Variants in S100PBP observed in about 807,000 individuals in gnomAD.
S100PBP encodes S100P-binding protein.
Under a neutral mutation model 39.9 loss-of-function variants are expected in S100PBP, and 15 were observed. The observed-to-expected ratio is 0.38, with a 90% CI of 0.25 to 0.58. The LOEUF is 0.58. Ranked by LOEUF, S100PBP falls within the 20% of genes least tolerant of loss-of-function variation. The pLI is 0.70. For missense variants in S100PBP, 504 were observed against 487.3 expected (o/e 1.03, Z -0.32); for synonymous variants, 178 against 180.3 (o/e 0.99, Z 0.10).
intron 1 of S100PBP, among the ~76,000 whole-genome samples, chr1:32,822,740 T>C (rs1370807058): frequency 6.6e-6 from 1 of 152,152 alleles, no homozygotes; most frequent in African/African-American, 2.4e-5. Context: ...TTTTGTATAC[T>C]TTTGTTCCCA....
Position 32,826,618 on chromosome 1 carries a change from ACT to A in S100PBP, c.524_525del (p.Ser175PhefsTer12), listed in dbSNP as rs1477434041. ...ETDSSKDTEK[L>X]SSLGEEMRED... is the part of the protein sequence containing the mutation. ...CTGATTCGTCCAAAGATACTGAAAAACTCTCTTCCCTTGGAGAAGAGATGAGA... is the reference window on the plus strand; with the variant it reads ...CTGATTCGTCCAAAGATACTGAAAAACTCTTCCCTTGGAGAAGAGATGAGA... On this transcript the variant is annotated frameshift_variant, in exon 3 of 7. Transcript: ENST00000373475. LOFTEE classifies it high-confidence loss of function. 2 of 1,613,642 alleles carry A rather than the reference ACT, an allele frequency of 1.2e-6. No homozygotes were observed. The highest frequency in any genetic ancestry group is 2.2e-5 in the South Asian group (2 of 91,054).
chr1:32,827,982 C>T lies in S100PBP; in HGVS notation c.832-11C>T. On this transcript the variant is annotated splice_polypyrimidine_tract_variant and intron_variant, in intron 3 of 6. Transcript: ENST00000373475. ...TCACCTTTCCTTTTGCATTCCTTTT[C>T]CTCAAAAAAGCAGGATGTTCTTAAC... 1 of 1,585,278 alleles carries T rather than the reference C, an allele frequency of 6.3e-7. No homozygotes were observed. The highest frequency in any genetic ancestry group is 2.2e-5 in the East Asian group (1 of 44,644).
intron 5 of S100PBP, among the ~76,000 whole-genome samples, chr1:32,838,620 A>G (rs1462055588): frequency 6.6e-6 from 1 of 152,156 alleles, no homozygotes; most frequent in Non-Finnish European, 1.5e-5. Context: ...GGGTGGGCAG[A>G]TCACCTGAGG....
chr1:32,838,779 G>T (rs917517779), intron 5 of S100PBP, among the ~76,000 whole-genome samples: 1 of 151,810 alleles, frequency 6.6e-6, no homozygotes, highest in African/African-American at 2.4e-5. Flanking sequence ...GGAGGCAGAG[G>T]TTGCAGTGAG....
chr1:32,839,494 G>C (rs1639992090), intron 5 of S100PBP, among the ~76,000 whole-genome samples: 1 of 152,118 alleles, frequency 6.6e-6, no homozygotes, highest in African/African-American at 2.4e-5. Context: ...ATACCAAGAA[G>C]AGAAGAGGAA....
At chr1:32,844,744 G>T (rs1557507829) in intron 5 of S100PBP, among the ~76,000 whole-genome samples, 1 of 151,712 alleles carries the variant, frequency 6.6e-6, no homozygotes, top group African/African-American at 2.4e-5. Context: ...TCTATTCCGA[G>T]ATAGAGATAT....
At chr1:32,816,885 C>G (rs1638755608), upstream of S100PBP, 1 of 556,808 alleles carries the variant, frequency 1.8e-6, no homozygotes, top group Non-Finnish European at 3.2e-6. Context: ...TGACGTATCC[C>G]CAGCGACTAA....
chr1:32,832,937 T>G (rs781594312), intron 5 of S100PBP, among the ~76,000 whole-genome samples: 1 of 152,086 alleles, frequency 6.6e-6, no homozygotes, highest in African/African-American at 2.4e-5. Flanking sequence ...ATCCTTCAAC[T>G]CCATTATTCT....
chr1:32,849,151 CT>C (rs55906923), intron 5 of S100PBP, among the ~76,000 whole-genome samples: 12 of 146,128 alleles, frequency 8.2e-5, no homozygotes, highest in Admixed American at 2.0e-4. Flanking sequence ...CTTTTTTTTT[CT>C]TTTTTTTTTG....
chr1:32,850,779 A>G (rs1204955427), intron 5 of S100PBP, among the ~76,000 whole-genome samples: 1 of 152,226 alleles, frequency 6.6e-6, no homozygotes, highest in Non-Finnish European at 1.5e-5. Context: ...TTTTAATGAA[A>G]TCTATAAATT....
At chr1:32,830,795 C>G (rs954559894) in intron 5 of S100PBP, among the ~76,000 whole-genome samples, 1 of 152,182 alleles carries the variant, frequency 6.6e-6, no homozygotes, top group Non-Finnish European at 1.5e-5. Flanking sequence ...CCTGTAATCT[C>G]AGCACTTTTG....
intron 5 of S100PBP, among the ~76,000 whole-genome samples, chr1:32,839,594 C>T (rs1000572665): frequency 6.6e-6 from 1 of 152,124 alleles, no homozygotes. Context: ...GTGGCACAAC[C>T]GTAGTGCAGT....
At position 32,856,213 on chromosome 1, in the gene S100PBP, G is replaced by A. The variant is rs968021627; in HGVS notation, c.*175G>A. The A allele has an allele frequency of 4.5e-6, 2 of 448,484 alleles. No homozygotes were observed. The highest frequency in any genetic ancestry group is 2.0e-5 in the African/African-American group (1 of 49,768). The allele number at this position is 448,484 out of a possible 1,614,324, so 27.8% of individuals were successfully genotyped here. A position where few individuals can be genotyped will look rare whatever the true frequency, so the allele number is the denominator to read the frequency against. On this transcript the variant is annotated 3_prime_UTR_variant, in exon 7 of 7. Transcript: ENST00000373475. ...GCCCATTGCCGACTTGAATTTTTTT[G>A]TATGAAGTCCCTCCTGATTTTGTGT...
chr1:32,831,378 CCA>C (rs1316426450), intron 5 of S100PBP, among the ~76,000 whole-genome samples: 1 of 151,660 alleles, frequency 6.6e-6, no homozygotes, highest in Non-Finnish European at 1.5e-5. Context: ...TAGGTGAGCT[CCA>C]CAGAGAAGAT....
At chr1:32,843,780 G>A (rs1368924093) in intron 5 of S100PBP, among the ~76,000 whole-genome samples, 1 of 151,890 alleles carries the variant, frequency 6.6e-6, no homozygotes, top group Non-Finnish European at 1.5e-5. Context: ...AGTAAAGACG[G>A]GGTTTCACCA....
intron 4 of S100PBP, among the ~76,000 whole-genome samples, chr1:32,829,760 C>G (rs533969910): frequency 6.6e-6 from 1 of 152,304 alleles, no homozygotes; most frequent in East Asian, 1.9e-4. Flanking sequence ...CACCCAGCTT[C>G]TCTTCTTTTT....
At position 32,833,506 on chromosome 1, in the gene S100PBP, C is replaced by T. The variant is rs187547856; in HGVS notation, c.1024+3439C>T. On this transcript the variant is annotated intron_variant, in intron 5 of 6. Transcript: ENST00000373475. ...CCTCCTGAGTAGCTGGGACCACAGG[C>T]GCAGACAACCACACCTGGTTAATTT... is the stretch of plus-strand genomic sequence containing the variant. 1.7e-3 allele frequency among the ~76,000 whole-genome samples: 258 copies of T among 151,872 alleles called. 2 individuals carry two copies. The highest frequency in any genetic ancestry group is 6.0e-3 in the African/African-American group (248 of 41,410).
chr1:32,823,664 A>G (rs967780675), intron 1 of S100PBP, among the ~76,000 whole-genome samples: 4 of 152,232 alleles, frequency 2.6e-5, no homozygotes, highest in Non-Finnish European at 4.4e-5. Context: ...CTAGAACTCT[A>G]TAATCCCTCC....
intron 5 of S100PBP, among the ~76,000 whole-genome samples, chr1:32,838,669 C>A (rs1461720122): frequency 6.6e-6 from 1 of 151,928 alleles, no homozygotes; most frequent in Non-Finnish European, 1.5e-5. Flanking sequence ...GTGGTGAAAC[C>A]CCGTCTCTAC....
Sources: gnomAD v4.1 joint callset for allele counts (sites outside exome capture counted in the v4.1 genomes callset) on GRCh38, gnomAD v4.1.1 for gene constraint, MANE v1.5 for transcripts, NCBI Gene and HGNC (gene_info 2026-07-23, HGNC 2026-07-21) for gene names.